Variants in CHN1 observed in about 807,000 individuals in gnomAD.
The protein encoded by CHN1 is chimerin 1.
Under a neutral mutation model 59.5 loss-of-function variants are expected in CHN1, and 37 were observed. The ratio of observed to expected loss-of-function variants is 0.62; its 90% CI spans 0.48 to 0.82. CHN1 has a LOEUF of 0.82. Among genes scored for constraint, CHN1 ranks in the 40% least tolerant of loss-of-function variants. The probability of loss-of-function intolerance (pLI) is 0.00; values close to 1 mark genes in which losing one functional copy is unlikely to be tolerated. For missense variants in CHN1, 469 were observed against 571.0 expected, an observed-to-expected ratio of 0.82 and a Z score of 1.82; for synonymous variants, 206 against 200.4, an observed-to-expected ratio of 1.03 and a Z score of -0.24.
intron 8 of CHN1, among the ~76,000 whole-genome samples, chr2:174,821,280 C>T (rs927260407): frequency 2.6e-5 from 4 of 152,164 alleles, no homozygotes; most frequent in African/African-American, 4.8e-5. Flanking sequence ...AGACCACCTG[C>T]ATTCCTTGGC....
intron 6 of CHN1, among the ~76,000 whole-genome samples, chr2:174,876,058 G>A (rs1009400507): frequency 6.6e-6 from 1 of 152,130 alleles, no homozygotes; most frequent in African/African-American, 2.4e-5. Flanking sequence ...ACAAGACCAG[G>A]GAATTCAGTA....
intron 3 of CHN1, among the ~76,000 whole-genome samples, chr2:174,928,226 G>A (rs1233757651): frequency 1.3e-5 from 2 of 152,152 alleles, no homozygotes; most frequent in East Asian, 1.9e-4. Flanking sequence ...CCACTGCCTC[G>A]TGGCTTAGGA....
rs375849468 is a variant in CHN1, at chr2:174,811,597, T to C, written c.887-9A>G. 270 of 1,562,440 alleles carry C rather than the reference T, an allele frequency of 1.7e-4. No homozygotes were observed. The African/African-American group carries it at 3.5e-3, about 20-fold the overall frequency. ...TCCTTCAGAATTAAGACCTGAAAAA[T>C]AAAACTAGTTAGTTTCTTTGAATTA... On this transcript the variant is annotated splice_polypyrimidine_tract_variant and intron_variant, in intron 9 of 12. Transcript: ENST00000409900.
At chr2:174,825,980 T>A (rs1685667784) in intron 7 of CHN1, among the ~76,000 whole-genome samples, 1 of 152,104 alleles carries the variant, frequency 6.6e-6, no homozygotes, top group Non-Finnish European at 1.5e-5. Flanking sequence ...TGAAACAGAA[T>A]ATCAGAATTC....
intron 7 of CHN1, among the ~76,000 whole-genome samples, chr2:174,843,071 G>A (rs907206083): frequency 3.3e-5 from 5 of 151,912 alleles, no homozygotes; most frequent in African/African-American, 9.7e-5. Context: ...AGCTTCTGTC[G>A]TTATTATAAT....
intron 1 of CHN1, among the ~76,000 whole-genome samples, chr2:175,003,592 T>A (rs973603954): frequency 2.0e-5 from 3 of 152,244 alleles, no homozygotes; most frequent in African/African-American, 7.2e-5. Flanking sequence ...AGGAAAATGC[T>A]GCTATTAAAT....
intron 3 of CHN1, among the ~76,000 whole-genome samples, chr2:174,944,130 T>C (rs973909104): frequency 1.3e-5 from 2 of 152,238 alleles, no homozygotes; most frequent in Non-Finnish European, 2.9e-5. Context: ...TAGGTTTTTT[T>C]CTGCTATTAC....
At chr2:174,945,816 A>G (rs1689811041) in intron 2 of CHN1, among the ~76,000 whole-genome samples, 1 of 152,136 alleles carries the variant, frequency 6.6e-6, no homozygotes, top group Non-Finnish European at 1.5e-5. Flanking sequence ...ATATGATTAC[A>G]CGGACTCTAC....
Position 174,799,048 on chromosome 2 carries a change from A to G in CHN1, c.*1068T>C, listed in dbSNP as rs1439463403. Among the ~76,000 whole-genome samples the G allele has an allele frequency of 1.3e-5, 2 of 152,208 alleles. No homozygotes were observed. Among genetic ancestry groups the G allele is most frequent in the Non-Finnish European group, 2.9e-5 (2 of 68,040 alleles). ...ATCTCTCAGGCAGCATTGTCAGCTC[A>G]ATGCATGTTGATGTCATATATTTTT... On this transcript the variant is annotated 3_prime_UTR_variant, in exon 13 of 13. Transcript: ENST00000409900.
intron 5 of CHN1, among the ~76,000 whole-genome samples, chr2:174,904,155 C>T (rs1028196152): frequency 7.3e-5 from 11 of 151,582 alleles, no homozygotes; most frequent in East Asian, 2.0e-4. Flanking sequence ...CCCAGCTACT[C>T]GGGAGGCTGA....
intron 6 of CHN1, among the ~76,000 whole-genome samples, chr2:174,860,324 A>G (rs1687030476): frequency 6.6e-6 from 1 of 152,198 alleles, no homozygotes; most frequent in Admixed American, 6.5e-5. Flanking sequence ...TCTTAAATTT[A>G]TAACAGAGAC....
At chr2:175,003,532 A>C (rs1691955733) in intron 1 of CHN1, among the ~76,000 whole-genome samples, 1 of 152,224 alleles carries the variant, frequency 6.6e-6, no homozygotes, top group South Asian at 2.1e-4. Flanking sequence ...TGAAAATGCC[A>C]AATATCTCTT....
At chr2:174,811,401 TA>T in intron 10 of CHN1, 109 bp downstream of exon 10, 1 of 669,078 alleles carries the variant, frequency 1.5e-6, no homozygotes, top group Non-Finnish European at 2.5e-6. Flanking sequence ...TTTGGTATAA[TA>T]ATCATCAATG....
chr2:174,879,908 G>C (rs569204332), intron 5 of CHN1, among the ~76,000 whole-genome samples: 124 of 152,238 alleles, frequency 8.1e-4, no homozygotes, highest in Middle Eastern at 3.4e-3. Flanking sequence ...AGAAGTATGG[G>C]GGGCACAGGG....
chr2:174,837,699 GA>G (rs1194768412), intron 7 of CHN1, among the ~76,000 whole-genome samples: 10 of 151,032 alleles, frequency 6.6e-5, no homozygotes, highest in Non-Finnish European at 1.5e-4. Context: ...TAGAAAACTG[GA>G]AAAAAAAATC....
At chr2:174,897,951 C>G (rs1688270302) in intron 5 of CHN1, among the ~76,000 whole-genome samples, 1 of 152,192 alleles carries the variant, frequency 6.6e-6, no homozygotes, top group South Asian at 2.1e-4. Flanking sequence ...CTGACAGCCT[C>G]CCAATATCCA....
At chr2:174,800,627 T>A (rs2105369524) in intron 12 of CHN1, among the ~76,000 whole-genome samples, 1 of 152,328 alleles carries the variant, frequency 6.6e-6, no homozygotes, top group Non-Finnish European at 1.5e-5. Context: ...CTGGGTCACC[T>A]TGATTTAATC....
At chr2:174,972,165 G>A (rs969274251) in intron 1 of CHN1, among the ~76,000 whole-genome samples, 2 of 152,136 alleles carry the variant, frequency 1.3e-5, no homozygotes, top group African/African-American at 4.8e-5. Context: ...GCTGCTACTG[G>A]TTTCCTTGTA....
chr2:174,938,572 G>C (rs1689567670), intron 3 of CHN1, among the ~76,000 whole-genome samples: 1 of 152,192 alleles, frequency 6.6e-6, no homozygotes, highest in South Asian at 2.1e-4. Context: ...GAAAAACATT[G>C]AACAACCTAG....
Sources: gnomAD v4.1 joint callset for allele counts (sites outside exome capture counted in the v4.1 genomes callset) on GRCh38, gnomAD v4.1.1 for gene constraint, MANE v1.5 for transcripts, NCBI Gene and HGNC (gene_info 2026-07-23, HGNC 2026-07-21) for gene names.